AKAP13: variants seen among roughly 807,000 people sequenced by gnomAD.
AKAP13 encodes A-kinase anchoring protein 13.
In AKAP13, 80 loss-of-function variants were observed where a neutral mutation model predicts 264.5. The observed-to-expected ratio is 0.30, with a 90% CI of 0.25 to 0.36. The LOEUF is 0.36. Ranked by LOEUF, AKAP13 falls within the 10% of genes least tolerant of loss-of-function variation. AKAP13 has a pLI of 1.00. For synonymous variants in AKAP13, 1,380 were observed against 1,250.2 expected, an observed-to-expected ratio of 1.10 and a Z score of -2.19; for missense variants, 3,712 against 3,435.2, an observed-to-expected ratio of 1.08 and a Z score of -2.01.
At position 85,727,723 on chromosome 15, in the gene AKAP13, C is replaced by A. The variant is rs1172970112; in HGVS notation, c.7087+260C>A. On this transcript the variant is annotated intron_variant, in intron 29 of 36. Coordinates refer to ENST00000394518, the MANE Select transcript of AKAP13 (RefSeq NM_007200.5). This position sits in a 1 kb window ranked among gnomAD's most constrained non-coding sequence, Gnocchi z 5.3. ...ATTCTCTTGACTCAGGATCCGTGTT[C>A]TCAAACCTCATGACATTCTCTGTAC... Among the ~76,000 whole-genome samples, 2 of 152,164 alleles carry A rather than the reference C, an allele frequency of 1.3e-5. No individual in the cohort carries two copies. The highest frequency in any genetic ancestry group is 6.5e-5 in the Admixed American group (1 of 15,282).
chr15:85,673,778 C>T (rs1021153679), intron 14 of AKAP13, among the ~76,000 whole-genome samples: 9 of 143,078 alleles, frequency 6.3e-5, no homozygotes, highest in East Asian at 2.2e-4. Context: ...CTCTGCCTCC[C>T]GGGTTCATGC....
intron 1 of AKAP13, among the ~76,000 whole-genome samples, chr15:85,478,517 C>G (rs1410916622): frequency 6.6e-6 from 1 of 152,086 alleles, no homozygotes; most frequent in East Asian, 1.9e-4. Context: ...GGCCCAAACT[C>G]AGGATCATTT....
intron 13 of AKAP13, among the ~76,000 whole-genome samples, chr15:85,669,086 T>A (rs338524): frequency 0.94 from 143,453 of 152,104 alleles, 67,665 homozygotes; most frequent in East Asian, 0.98. Flanking sequence ...AAATACAAAA[T>A]TTAGCTGCGC....
At chr15:85,596,600 C>G (rs200166422) in intron 8 of AKAP13, among the ~76,000 whole-genome samples, 1 of 151,964 alleles carries the variant, frequency 6.6e-6, no homozygotes, top group Non-Finnish European at 1.5e-5. Context: ...AAATAAAAAA[C>G]CTAGTCACTC....
intron 2 of AKAP13, among the ~76,000 whole-genome samples, chr15:85,494,243 C>CA (rs1382577339): frequency 6.6e-6 from 1 of 152,134 alleles, no homozygotes; most frequent in African/African-American, 2.4e-5. Context: ...AGCAACCTAG[C>CA]AACTAGACTC....
At chr15:85,726,921 A>T (rs899898612) in intron 27 of AKAP13, 145 bp from the exon 28 acceptor site, 2 of 796,020 alleles carry the variant, frequency 2.5e-6, no homozygotes, top group African/African-American at 3.5e-5. Flanking sequence ...AAATAAGGAG[A>T]TACTTCTCTT....
chr15:85,634,201 T>C (rs1371301468), intron 8 of AKAP13, among the ~76,000 whole-genome samples: 1 of 130,392 alleles, frequency 7.7e-6, no homozygotes, highest in Non-Finnish European at 1.6e-5. Context: ...AGCAGTTTAA[T>C]TCCTTTCATT....
chr15:85,621,385 A>G (rs911415803), intron 8 of AKAP13: 1 of 152,116 alleles, frequency 6.6e-6, no homozygotes, highest in Non-Finnish European at 1.5e-5. Flanking sequence ...GATATTATTC[A>G]TTTTGGTTTC....
intron 3 of AKAP13, among the ~76,000 whole-genome samples, chr15:85,530,117 C>T (rs543972094): frequency 1.3e-5 from 2 of 152,288 alleles, no homozygotes; most frequent in African/African-American, 4.8e-5. Context: ...ACAAACTCTG[C>T]TAATGCAGCA....
chr15:85,679,621 A>T (rs755504048), intron 14 of AKAP13, among the ~76,000 whole-genome samples: 6 of 152,232 alleles, frequency 3.9e-5, no homozygotes, highest in Non-Finnish European at 8.8e-5. Flanking sequence ...ACTGTATACA[A>T]CATTTCATGA....
chr15:85,670,833 T>C (rs2083887022), intron 14 of AKAP13: 2 of 152,074 alleles, frequency 1.3e-5, no homozygotes, highest in Non-Finnish European at 2.9e-5. Context: ...GATCAACTGG[T>C]GTTGGAAGTT....
At chr15:85,558,496 G>C (rs141370774) in intron 5 of AKAP13, among the ~76,000 whole-genome samples, 1 of 152,178 alleles carries the variant, frequency 6.6e-6, no homozygotes, top group Non-Finnish European at 1.5e-5. Context: ...ACATAGTTAA[G>C]TGAACTTCGT....
chr15:85,736,521 G>A (rs1441770222), intron 33 of AKAP13, among the ~76,000 whole-genome samples: 1 of 152,134 alleles, frequency 6.6e-6, no homozygotes, highest in East Asian at 1.9e-4. Context: ...CAATCCTCCA[G>A]AGTAGCTGGG....
At chr15:85,477,733 A>T (rs979403702) in intron 1 of AKAP13, among the ~76,000 whole-genome samples, 30 of 147,906 alleles carry the variant, frequency 2.0e-4, no homozygotes, top group African/African-American at 6.5e-4. Context: ...CAACACATTT[A>T]TTTTTCCCTT....
At chr15:85,429,852 T>G (rs1308692639) in intron 1 of AKAP13, among the ~76,000 whole-genome samples, 1 of 152,256 alleles carries the variant, frequency 6.6e-6, no homozygotes, top group African/African-American at 2.4e-5. Flanking sequence ...TCTTTAGTTC[T>G]CCAAAGCATG....
chr15:85,694,856 C>G (rs375090841), intron 17 of AKAP13, among the ~76,000 whole-genome samples: 4 of 152,178 alleles, frequency 2.6e-5, no homozygotes, highest in South Asian at 4.1e-4. Context: ...TGTCAAGGAG[C>G]AACTCTCAGA....
intron 26 of AKAP13, among the ~76,000 whole-genome samples, chr15:85,725,607 GCATGGA>G (rs1304476496): frequency 2.6e-5 from 4 of 152,146 alleles, no homozygotes; most frequent in Non-Finnish European, 5.9e-5. Flanking sequence ...AAAAGGTGGG[GCATGGA>G]CTGCATAAAT....
chr15:85,692,987 T>C (rs769083808), intron 16 of AKAP13: 9 of 309,850 alleles, frequency 2.9e-5, no homozygotes, highest in Non-Finnish European at 5.3e-5. Context: ...GAAGCCTCCT[T>C]GCAGTGCTGG....
Position 85,582,643 on chromosome 15 carries a change from C to T in AKAP13, c.4039+536C>T, listed in dbSNP as rs1372363660. 1.4e-5 allele frequency among the ~76,000 whole-genome samples: 2 copies of T among 146,586 alleles called. 1 individual carries two copies. ...AACATCCAAAATGGTGGTATTAGGT[C>T]ATTGGTGGTTTTTTGTTTGTTTGTT... is the stretch of plus-strand genomic sequence containing the variant. On this transcript the variant is annotated intron_variant, in intron 7 of 36. Transcript: ENST00000394518.
Sources: gnomAD v4.1 joint callset for allele counts (sites outside exome capture counted in the v4.1 genomes callset) on GRCh38, gnomAD v4.1.1 for gene constraint, Gnocchi (gnomAD v3.1) non-coding constraint, MANE v1.5 for transcripts, NCBI Gene and HGNC (gene_info 2026-07-23, HGNC 2026-07-21) for gene names.